USH1G: variants seen among roughly 807,000 people sequenced by gnomAD.
USH1G encodes the protein USH1 protein network component sans, also known as pre-mRNA splicing regulator USH1G.
USH1G carries 27 observed loss-of-function variants against 31.9 expected under a neutral mutation model. The observed-to-expected ratio is 0.85, with a 90% CI of 0.62 to 1.17. The LOEUF (loss-of-function observed/expected upper bound fraction) is 1.17, where lower values mean the gene tolerates loss of function less well. USH1G is among the 50% of genes most tolerant of loss of function. The pLI is 0.00. For synonymous variants in USH1G, 266 were observed against 283.2 expected, an observed-to-expected ratio of 0.94 and a Z score of 0.61; for missense variants, 674 against 638.9, an observed-to-expected ratio of 1.05 and a Z score of -0.59.
At chr17:74,922,690 A>C (rs2038959340) in intron 1 of USH1G, among the ~76,000 whole-genome samples, 1 of 151,854 alleles carries the variant, frequency 6.6e-6, no homozygotes, top group Non-Finnish European at 1.5e-5. Context: ...GGAACCCCCA[A>C]ATCCCGGTTT....
At position 74,918,180 on chromosome 17, in the gene USH1G, C is replaced by T. The variant is rs888171753; in HGVS notation, c.1383-104G>A. 12 of 1,508,624 alleles carry T rather than the reference C, an allele frequency of 8.0e-6. No individual in the cohort carries two copies. In the African/African-American group the frequency reaches 8.3e-5, roughly 10 times the overall value. The allele number at this position is 1,508,624 out of a possible 1,614,324, so 93.5% of individuals were successfully genotyped here. ...TGGACAACTTAGCCTCCCCATCTCTCGGCAGGCCAATTGTCAGGGATGGGG... is the reference window on the plus strand; with the variant it reads ...TGGACAACTTAGCCTCCCCATCTCTTGGCAGGCCAATTGTCAGGGATGGGG... On this transcript the variant is annotated intron_variant, in intron 2 of 2. Transcript: ENST00000614341. This position sits in a 1 kb window ranked among gnomAD's most constrained non-coding sequence, Gnocchi z 4.1.
In USH1G at chr17:74,921,637, A is replaced by C. The variant is rs572017696; in HGVS notation, c.165-966T>G. On this transcript the variant is annotated intron_variant, in intron 1 of 2. Coordinates refer to ENST00000614341, the MANE Select transcript of USH1G (RefSeq NM_173477.5). This position sits in a 1 kb window ranked among gnomAD's most constrained non-coding sequence, Gnocchi z 4.6. ...CCTGGGCCTCCCCTCCTGGCCGCCA[A>C]GTCCTGCAGGCCAGTGTGGGAAGGA... Among the ~76,000 whole-genome samples the C allele has an allele frequency of 2.0e-5, 3 of 152,264 alleles. No homozygotes were observed. In the East Asian group the frequency reaches 5.8e-4, roughly 29 times the overall value.
At position 74,919,330 on chromosome 17, in the gene USH1G, C is replaced by T; in HGVS notation, c.1382+124G>A. ...GGGTGCCTTTTATCATCGATGGCCT[C>T]ATTTCGATTTTATGAAATACAGTAT... On this transcript the variant is annotated intron_variant, in intron 2 of 2. Transcript: ENST00000614341. This position sits in a 1 kb window ranked among gnomAD's most constrained non-coding sequence, Gnocchi z 4.5. 2.1e-6 allele frequency: 3 copies of T among 1,408,518 alleles called. No homozygotes were observed. Among genetic ancestry groups the T allele is most frequent in the Non-Finnish European group, 2.8e-6 (3 of 1,070,530 alleles). 87.3% of individuals were successfully genotyped at this position (1,408,518 alleles called of 1,614,324 possible). A position where few individuals can be genotyped will look rare whatever the true frequency, so the allele number is the denominator to read the frequency against.
In USH1G at chr17:74,919,578, G is replaced by A. The variant is rs139897506; in HGVS notation, c.1258C>T (p.Leu420=). The stretch of plus-strand genomic sequence containing the variant: ...CTGCGGAGGTCGAGGTCAGAGCACA[G>A]CATCAAAGCCTCGAGGTCGATCTTC... ...QEKIDLEALM[L]CSDLDLRSIS... Residue 420 remains leucine (L), a synonymous_variant, in exon 2 of 3, where the codon CTG becomes TTG. Coordinates refer to ENST00000614341, the MANE Select transcript of USH1G (RefSeq NM_173477.5). The surrounding 1 kb of genome is among the most constrained non-coding windows in gnomAD (Gnocchi z 4.5). The A allele has an allele frequency of 1.9e-6, 3 of 1,612,640 alleles. No individual in the cohort carries two copies. The highest frequency in any genetic ancestry group is 2.5e-6 in the Non-Finnish European group (3 of 1,180,042).
In USH1G at chr17:74,919,561, G is replaced by T. The variant is rs2038906954; in HGVS notation, c.1275C>A (p.Asp425Glu). The change falls in exon 2 of 3, where the codon GAC becomes GAA. Residue 425 changes from aspartate (D) to glutamate (E), a missense_variant. By Grantham distance (45) the Asp-to-Glu change is conservative. Transcript: ENST00000614341. This position sits in a 1 kb window ranked among gnomAD's most constrained non-coding sequence, Gnocchi z 4.5. ...CCAGTGGGACGCTGATGCTGCGGAG[G>T]TCGAGGTCAGAGCACAGCATCAAAG... ...LEALMLCSDL[D>E]LRSISVPLGP... The T allele has an allele frequency of 6.2e-7, 1 of 1,612,602 alleles. No individual in the cohort carries two copies. Among genetic ancestry groups the T allele is most frequent in the South Asian group, 1.1e-5 (1 of 91,084 alleles).
At position 74,923,161 on chromosome 17, in the gene USH1G, T is replaced by C; in HGVS notation, c.-88A>G. On this transcript the variant is annotated 5_prime_UTR_variant, in exon 1 of 3. Transcript: ENST00000614341. This position sits in a 1 kb window ranked among gnomAD's most constrained non-coding sequence, Gnocchi z 5.3. ...GCGGTATTAGGGCTGAGGCATGAGG[T>C]TGGAGGACGGGGCCGGGCAGGGGCC... 7.6e-7 allele frequency: 1 copy of C among 1,319,640 alleles called. No individual in the cohort carries two copies. The highest frequency in any genetic ancestry group is 1.6e-5 in the South Asian group (1 of 62,702). The allele number at this position is 1,319,640 out of a possible 1,614,324, so 81.7% of individuals were successfully genotyped here. A position where few individuals can be genotyped will look rare whatever the true frequency, so the allele number is the denominator to read the frequency against.
At position 74,920,321 on chromosome 17, in the gene USH1G, C is replaced by T. The variant is rs764428038; in HGVS notation, c.515G>A (p.Arg172His). 20 of 1,608,428 alleles carry T rather than the reference C, an allele frequency of 1.2e-5. No homozygotes were observed. The highest frequency in any genetic ancestry group is 9.3e-5 in the African/African-American group (7 of 74,890). Residue 172 changes from arginine (R) to histidine (H), a missense_variant, in exon 2 of 3, where the codon CGT becomes CAT. By Grantham distance (29) the Arg-to-His change is conservative. Transcript: ENST00000614341. This position sits in a 1 kb window ranked among gnomAD's most constrained non-coding sequence, Gnocchi z 5.2. ...ERRYRRELAERSDTLSFSSLT... is the reference protein window; with the variant it reads ...ERRYRRELAEHSDTLSFSSLT... ...GCTGGAGAAGCTGAGGGTGTCGGAA[C>T]GCTCGGCCAGCTCGCGCCGGTATCG...
At position 74,920,102 on chromosome 17, in the gene USH1G, G is replaced by C; in HGVS notation, c.734C>G (p.Ser245Trp). Residue 245 changes from serine to tryptophan, a missense_variant, in exon 2 of 3, where the codon TCG becomes TGG. Transcript: ENST00000614341. This position sits in a 1 kb window ranked among gnomAD's most constrained non-coding sequence, Gnocchi z 5.2. ...CACGTCGCTGCCCAGCTGCAGGCCCGAGAGCGAGCGGGCGCTCTTGCGCCC... is the reference window on the plus strand; with the variant it reads ...CACGTCGCTGCCCAGCTGCAGGCCCCAGAGCGAGCGGGCGCTCTTGCGCCC... ...EDGRKSARSLSGLQLGSDVMF... is the reference protein window; with the variant it reads ...EDGRKSARSLWGLQLGSDVMF... 6.2e-7 allele frequency: 1 copy of C among 1,603,682 alleles called. No homozygotes were observed. The highest frequency in any genetic ancestry group is 1.1e-5 in the South Asian group (1 of 91,036).
At position 74,919,392 on chromosome 17, in the gene USH1G, C is replaced by T; in HGVS notation, c.1382+62G>A. The T allele has an allele frequency of 6.5e-7, 1 of 1,533,722 alleles. No homozygotes were observed. Among genetic ancestry groups the T allele is most frequent in the Non-Finnish European group, 8.7e-7 (1 of 1,143,660 alleles). On this transcript the variant is annotated intron_variant, in intron 2 of 2. Transcript: ENST00000614341. The surrounding 1 kb of genome is among the most constrained non-coding windows in gnomAD (Gnocchi z 4.5). ...TACTCCTGAATAGGCAGATCTGTAC[C>T]CCCTCCCCAGGGGCCTTCCAACTCC...
rs1398894694 is a variant in USH1G at position 74,919,474 on chromosome 17, C to T, written c.1362G>A (p.Pro454=). 2 of 1,608,236 alleles carry T rather than the reference C, an allele frequency of 1.2e-6. No individual in the cohort carries two copies. The highest frequency in any genetic ancestry group is 1.7e-5 in the Admixed American group (1 of 59,826). ...RRRRQAMERP[P]ALEDTEL The stretch of plus-strand genomic sequence containing the variant: ...CTCACAGCTCTGTGTCCTCCAGGGC[C>T]GGCGGGCGCTCCATCGCCTGCCGCC... Residue 454 remains proline, a synonymous_variant, in exon 2 of 3, where the codon CCG becomes CCA. Transcript: ENST00000614341. This position sits in a 1 kb window ranked among gnomAD's most constrained non-coding sequence, Gnocchi z 4.5.
intron 1 of USH1G, among the ~76,000 whole-genome samples, chr17:74,922,308 CAG>C (rs1433975541): frequency 6.7e-6 from 1 of 150,292 alleles, no homozygotes; most frequent in Non-Finnish European, 1.5e-5. Flanking sequence ...GACCACATCA[CAG>C]CCTCCACCAT....
rs1241329655 is a variant in USH1G, at chr17:74,918,029, T to C, written c.*44A>G. 1 of 1,613,850 alleles carries C rather than the reference T, an allele frequency of 6.2e-7. No homozygotes were observed. The highest frequency in any genetic ancestry group is 8.5e-7 in the Non-Finnish European group (1 of 1,179,840). ...GACCTCGAGACCCCACCATAGGTTG[T>C]GGCAACTTGCAATTCATTTTGGTCT... On this transcript the variant is annotated 3_prime_UTR_variant, in exon 3 of 3. Transcript: ENST00000614341. The surrounding 1 kb of genome is among the most constrained non-coding windows in gnomAD (Gnocchi z 4.1).
rs1366998478 is a variant in USH1G at position 74,920,071 on chromosome 17, G to A, written c.765C>T (p.Phe255=). ...SGLQLGSDVM[F]VRQGTYANPK... ...GATTGGCGTAGGTGCCCTGGCGCAC[G>A]AACATCACGTCGCTGCCCAGCTGCA... The change falls in exon 2 of 3, where the codon TTC becomes TTT. Residue 255 remains phenylalanine, a synonymous_variant. Transcript: ENST00000614341. This position sits in a 1 kb window ranked among gnomAD's most constrained non-coding sequence, Gnocchi z 5.2. The A allele has an allele frequency of 1.1e-5, 18 of 1,607,350 alleles. No individual in the cohort carries two copies. The highest frequency in any genetic ancestry group is 1.7e-5 in the Admixed American group (1 of 59,988).
rs576840948 is a variant in USH1G, at chr17:74,919,040, A to G, written c.1382+414T>C. ...TAAAATGGGAACGATATAATCCACCAATATAGTCCAGCGCACACAGGCTTT... is the reference window on the plus strand; with the variant it reads ...TAAAATGGGAACGATATAATCCACCGATATAGTCCAGCGCACACAGGCTTT... On this transcript the variant is annotated intron_variant, in intron 2 of 2. Coordinates refer to ENST00000614341, the MANE Select transcript of USH1G (RefSeq NM_173477.5). This position sits in a 1 kb window ranked among gnomAD's most constrained non-coding sequence, Gnocchi z 4.5. Among the ~76,000 whole-genome samples, 1 of 152,284 alleles carries G rather than the reference A, an allele frequency of 6.6e-6. No individual in the cohort carries two copies. Among genetic ancestry groups the G allele is most frequent in the East Asian group, 1.9e-4 (1 of 5,176 alleles).
At position 74,919,722 on chromosome 17, in the gene USH1G, G is replaced by A; in HGVS notation, c.1114C>T (p.Leu372=). 3.1e-6 allele frequency: 5 copies of A among 1,612,984 alleles called. No homozygotes were observed. Among genetic ancestry groups the A allele is most frequent in the Non-Finnish European group, 4.2e-6 (5 of 1,180,024 alleles). The change falls in exon 2 of 3, where the codon CTG becomes TTG. Residue 372 remains leucine (L), a synonymous_variant. Transcript: ENST00000614341. The surrounding 1 kb of genome is among the most constrained non-coding windows in gnomAD (Gnocchi z 4.5). ...SLQDRSCGEE[L]PWDELDLGLD... ...CCTAAATCGAGCTCATCCCAGGGCA[G>A]CTCCTCCCCACAGCTGCGGTCCTGC...
At position 74,918,581 on chromosome 17, in the gene USH1G, C is replaced by T. The variant is rs528874617; in HGVS notation, c.1383-505G>A. Among the ~76,000 whole-genome samples, 1 of 152,268 alleles carries T rather than the reference C, an allele frequency of 6.6e-6. No homozygotes were observed. The highest frequency in any genetic ancestry group is 1.9e-4 in the East Asian group (1 of 5,180). ...CCTGTAATCCCAGCACTTTGGGAGG[C>T]CAGAGTGGGCAGATCACTTGAGGTC... is the stretch of plus-strand genomic sequence containing the variant. On this transcript the variant is annotated intron_variant, in intron 2 of 2. Coordinates refer to ENST00000614341, the MANE Select transcript of USH1G (RefSeq NM_173477.5). This position sits in a 1 kb window ranked among gnomAD's most constrained non-coding sequence, Gnocchi z 4.1.
In USH1G at chr17:74,919,336, G is replaced by C; in HGVS notation, c.1382+118C>G. ...CTTTTATCATCGATGGCCTCATTTC[G>C]ATTTTATGAAATACAGTATCCCCCA... On this transcript the variant is annotated intron_variant, in intron 2 of 2. Coordinates refer to ENST00000614341, the MANE Select transcript of USH1G (RefSeq NM_173477.5). The surrounding 1 kb of genome is among the most constrained non-coding windows in gnomAD (Gnocchi z 4.5). The C allele has an allele frequency of 3.5e-6, 5 of 1,429,888 alleles. No homozygotes were observed. Among genetic ancestry groups the C allele is most frequent in the Non-Finnish European group, 4.6e-6 (5 of 1,087,714 alleles). The allele number at this position is 1,429,888 out of a possible 1,614,324, so 88.6% of individuals were successfully genotyped here. A position where few individuals can be genotyped will look rare whatever the true frequency, so the allele number is the denominator to read the frequency against.
chr17:74,918,032 CAA>C lies in USH1G; in HGVS notation c.*39_*40del. On this transcript the variant is annotated 3_prime_UTR_variant, in exon 3 of 3. Coordinates refer to ENST00000614341, the MANE Select transcript of USH1G (RefSeq NM_173477.5). The surrounding 1 kb of genome is among the most constrained non-coding windows in gnomAD (Gnocchi z 4.1). ...CTCGAGACCCCACCATAGGTTGTGG[CAA>C]CTTGCAATTCATTTTGGTCTGGGGA... The C allele has an allele frequency of 6.2e-7, 1 of 1,613,936 alleles. No individual in the cohort carries two copies. Among genetic ancestry groups the C allele is most frequent in the South Asian group, 1.1e-5 (1 of 91,036 alleles).
chr17:74,918,903 C>T lies in USH1G; in HGVS notation c.1382+551G>A, dbSNP rs755303458. ...CATCCCATGGCAGCCACCTTGACCC[C>T]AGGCTCTAAAGCCATGCAGACCAGG... On this transcript the variant is annotated intron_variant, in intron 2 of 2. Transcript: ENST00000614341. This position sits in a 1 kb window ranked among gnomAD's most constrained non-coding sequence, Gnocchi z 4.1. Among the ~76,000 whole-genome samples the T allele has an allele frequency of 9.2e-5, 14 of 152,204 alleles. No homozygotes were observed. The highest frequency in any genetic ancestry group is 1.9e-4 in the Non-Finnish European group (13 of 68,038).
Sources: allele counts gnomAD v4.1 joint callset (sites outside exome capture counted in the v4.1 genomes callset), GRCh38; gene constraint gnomAD v4.1.1; non-coding constraint Gnocchi (gnomAD v3.1); transcripts MANE v1.5; gene names NCBI Gene and HGNC (gene_info 2026-07-23, HGNC 2026-07-21).